SLTM: variants seen among roughly 807,000 people sequenced by gnomAD.
SLTM encodes the protein SAFB like transcription modulator.
In SLTM, 43 loss-of-function variants were observed where a neutral mutation model predicts 134.6. The observed-to-expected ratio is 0.32, with a 90% CI of 0.25 to 0.41. The LOEUF (loss-of-function observed/expected upper bound fraction) is 0.41, where lower values mean the gene tolerates loss of function less well. Ranked by LOEUF, SLTM falls within the 10% of genes least tolerant of loss-of-function variation. SLTM has a pLI of 1.00. For synonymous variants in SLTM, 424 were observed against 432.3 expected, an observed-to-expected ratio of 0.98 and a Z score of 0.24; for missense variants, 1,055 against 1,288.8, an observed-to-expected ratio of 0.82 and a Z score of 2.78.
chr15:58,896,783 T>C (rs2035112709), intron 9 of SLTM, among the ~76,000 whole-genome samples: 2 of 152,174 alleles, frequency 1.3e-5, no homozygotes, highest in African/African-American at 4.8e-5. Context: ...TAAATGTATT[T>C]TCAAGATGTC....
chr15:58,879,881 AAAAAG>A lies in SLTM; in HGVS notation c.*113_*117del. The A allele has an allele frequency of 1.4e-5, 18 of 1,251,520 alleles. No homozygotes were observed. The highest frequency in any genetic ancestry group is 1.9e-5 in the Non-Finnish European group (18 of 941,724). 77.5% of individuals were successfully genotyped at this position (1,251,520 alleles called of 1,614,324 possible). A position where few individuals can be genotyped will look rare whatever the true frequency, so the allele number is the denominator to read the frequency against. ...AGAAAAGCAATCATGTTAAATTTTT[AAAAAG>A]AAAAGTCTGACAGAACTCTCAAGCA... On this transcript the variant is annotated 3_prime_UTR_variant, in exon 21 of 21. Transcript: ENST00000380516.
chr15:58,888,990 T>C (rs1466177753), intron 16 of SLTM, among the ~76,000 whole-genome samples: 1 of 130,084 alleles, frequency 7.7e-6, no homozygotes, highest in Non-Finnish European at 1.7e-5. Flanking sequence ...CTCTACACAA[T>C]CAACTCAGTT....
At chr15:58,924,721 T>A (rs2037339865) in intron 2 of SLTM, among the ~76,000 whole-genome samples, 1 of 152,214 alleles carries the variant, frequency 6.6e-6, no homozygotes, top group South Asian at 2.1e-4. Context: ...GGGTTTGCAA[T>A]TTTCCTTTTC....
intron 2 of SLTM, chr15:58,921,380 ATC>A (rs1454113485): frequency 6.2e-6 from 1 of 161,932 alleles, no homozygotes; most frequent in African/African-American, 2.4e-5. Flanking sequence ...TTAAAATATT[ATC>A]TCTTTTAGTG....
Position 58,899,557 on chromosome 15 carries a change from T to C in SLTM, c.970A>G (p.Ser324Gly), listed in dbSNP as rs760337197. The C allele has an allele frequency of 5.0e-6, 8 of 1,614,190 alleles. No homozygotes were observed. Among genetic ancestry groups the C allele is most frequent in the Admixed American group, 1.7e-5 (1 of 60,020 alleles). The change falls in exon 7 of 21, where the codon AGT becomes GGT. Residue 324 changes from serine to glycine, a missense_variant. Ser to Gly is a moderately conservative substitution (Grantham distance 56, BLOSUM62 0). Coordinates refer to ENST00000380516, the MANE Select transcript of SLTM (RefSeq NM_024755.4). This position sits in a 1 kb window ranked among gnomAD's most constrained non-coding sequence, Gnocchi z 5.0. ...GDPVEKEARE[S>G]SKKAESGDKE... Reference sequence around the variant, plus strand: ...TCTCCAGATTCTGCTTTCTTAGAACTTTCTCTGGCTTCCTTCTCGACAGGG... The same window carrying C: ...TCTCCAGATTCTGCTTTCTTAGAACCTTCTCTGGCTTCCTTCTCGACAGGG...
chr15:58,919,413 G>A (rs984243887), intron 2 of SLTM, among the ~76,000 whole-genome samples: 15 of 152,108 alleles, frequency 9.9e-5, no homozygotes, highest in African/African-American at 3.6e-4. Flanking sequence ...AGGCAACACA[G>A]TGAGATCCCT....
chr15:58,879,949 T>C lies in SLTM; in HGVS notation c.*50A>G. 1 of 1,599,782 alleles carries C rather than the reference T, an allele frequency of 6.3e-7. No individual in the cohort carries two copies. Among genetic ancestry groups the C allele is most frequent in the Non-Finnish European group, 8.5e-7 (1 of 1,171,678 alleles). The stretch of plus-strand genomic sequence containing the variant: ...TCTTCATAAGTAGTCAAGTAAAGTT[T>C]ACAGGAGATTTCAATAAATTATCTT... On this transcript the variant is annotated 3_prime_UTR_variant, in exon 21 of 21. Coordinates refer to ENST00000380516, the MANE Select transcript of SLTM (RefSeq NM_024755.4).
At position 58,913,600 on chromosome 15, in the gene SLTM, G is replaced by A; in HGVS notation, c.412C>T (p.His138Tyr). The change falls in exon 4 of 21, where the codon CAT (histidine) becomes TAT (tyrosine). Residue 138 changes from histidine (H) to tyrosine (Y), a missense_variant. By Grantham distance (83) the His-to-Tyr change is moderately conservative. This residue lies in a region of SLTM where 268 missense variants were observed against 284.3 expected (regional missense o/e 0.94). Transcript: ENST00000380516. ...EFGENEEENV[H>Y]SKELLSAEEN... ...TCTGCAGAGAGTAACTCCTTGGAAT[G>A]CACATTTTCTTCTTCATTTTCACCA... The A allele has an allele frequency of 1.2e-6, 2 of 1,613,304 alleles. No homozygotes were observed. Among genetic ancestry groups the A allele is most frequent in the African/African-American group, 2.7e-5 (2 of 74,990 alleles).
At chr15:58,895,165 T>A (rs1240600377) in intron 9 of SLTM, among the ~76,000 whole-genome samples, 12 of 152,182 alleles carry the variant, frequency 7.9e-5, no homozygotes, top group African/African-American at 2.9e-4. Flanking sequence ...ATGGCACAAT[T>A]AATAAAAGCA....
intron 20 of SLTM, among the ~76,000 whole-genome samples, chr15:58,881,238 T>C (rs1019402917): frequency 6.6e-6 from 1 of 151,966 alleles, no homozygotes; most frequent in Non-Finnish European, 1.5e-5. Context: ...AAATCTACAG[T>C]GAAGGCCGGG....
chr15:58,930,993 A>G (rs1595962557), intron 2 of SLTM, among the ~76,000 whole-genome samples: 1 of 152,246 alleles, frequency 6.6e-6, no homozygotes, highest in South Asian at 2.1e-4. Flanking sequence ...ATTAATACAC[A>G]GTACCTGTCA....
At chr15:58,912,342 G>A (rs1390404942) in intron 5 of SLTM, among the ~76,000 whole-genome samples, 2 of 151,998 alleles carry the variant, frequency 1.3e-5, no homozygotes, top group East Asian at 1.9e-4. Flanking sequence ...CTCGTGAACC[G>A]CCCGCCTCGG....
intron 7 of SLTM, 72 bp from the exon 8 acceptor site, chr15:58,898,924 AT>A: frequency 9.2e-7 from 1 of 1,086,266 alleles, no homozygotes; most frequent in South Asian, 1.4e-5. Context: ...ACAGCTTGAT[AT>A]TTACTATATT....
intron 5 of SLTM, among the ~76,000 whole-genome samples, chr15:58,905,193 TTA>T (rs1471482581): frequency 6.6e-6 from 1 of 152,206 alleles, no homozygotes; most frequent in South Asian, 2.1e-4. Flanking sequence ...CTTTTAAGCA[TTA>T]TGTGTCCAAT....
Position 58,898,819 on chromosome 15 carries a change from T to C in SLTM, c.1092A>G (p.Ser364=), listed in dbSNP as rs754520105. 3.7e-6 allele frequency: 6 copies of C among 1,608,512 alleles called. No homozygotes were observed. The Admixed American group carries it at 1.0e-4, about 27-fold the overall frequency. ...ATTCTTTACCTTTGTCATCTTTAGA[T>C]GATGTCTTGCTGTCTTTAGATTCCT... The part of the protein sequence containing the change: ...SSKESKDSKT[S]SKDDKGSTSS... The change falls in exon 8 of 21, where the codon TCA becomes TCG. Residue 364 remains serine (S), a synonymous_variant. Coordinates refer to ENST00000380516, the MANE Select transcript of SLTM (RefSeq NM_024755.4).
chr15:58,927,229 T>C (rs1190048017), intron 2 of SLTM, among the ~76,000 whole-genome samples: 1 of 152,142 alleles, frequency 6.6e-6, no homozygotes, highest in Non-Finnish European at 1.5e-5. Flanking sequence ...AAAGAGATAT[T>C]TCTTTTTTTT....
chr15:58,901,386 AATG>A lies in SLTM; in HGVS notation c.562-102_562-100del, dbSNP rs146952438. The A allele has an allele frequency of 3.1e-3, 3,047 of 971,294 alleles. 58 individuals carry two copies. The African/African-American group carries it at 0.043, about 14-fold the overall frequency. 60.2% of individuals were successfully genotyped at this position (971,294 alleles called of 1,614,324 possible). On this transcript the variant is annotated intron_variant, in intron 5 of 20. Coordinates refer to ENST00000380516, the MANE Select transcript of SLTM (RefSeq NM_024755.4). Reference sequence around the variant, plus strand: ...CCAAGTTAAAATTGGTGGATAATTTAATGATATTATTTAGGGATACCTAACACT... The same window carrying A: ...CCAAGTTAAAATTGGTGGATAATTTAATATTATTTAGGGATACCTAACACT...
At chr15:58,891,106 C>A (rs1462464465) in intron 14 of SLTM, among the ~76,000 whole-genome samples, 1 of 152,142 alleles carries the variant, frequency 6.6e-6, no homozygotes, top group Non-Finnish European at 1.5e-5. Flanking sequence ...TAGTCAGCAT[C>A]CTTTTCTGTC....
chr15:58,918,504 G>A (rs1046909928), intron 2 of SLTM, among the ~76,000 whole-genome samples: 1 of 152,194 alleles, frequency 6.6e-6, no homozygotes, highest in Non-Finnish European at 1.5e-5. Flanking sequence ...AGATATGCTA[G>A]TCCTTCCAAG....
Sources: gnomAD v4.1 joint callset for allele counts (sites outside exome capture counted in the v4.1 genomes callset) on GRCh38, gnomAD v4.1.1 for gene constraint, gnomAD v4.1.1 regional missense constraint, Gnocchi (gnomAD v3.1) non-coding constraint, MANE v1.5 for transcripts, NCBI Gene and HGNC (gene_info 2026-07-23, HGNC 2026-07-21) for gene names.